Variants in TG observed in about 807,000 individuals in gnomAD.
TG encodes the protein thyroid hormones.
In TG, 270 loss-of-function variants were observed where a neutral mutation model predicts 324.7. The observed-to-expected ratio is 0.83, with a 90% CI of 0.75 to 0.92. TG has a LOEUF of 0.92. Among genes scored for constraint, TG ranks in the 40% least tolerant of loss-of-function variants. The pLI, the probability that TG is intolerant of heterozygous loss-of-function variation, is 0.00. For missense variants in TG, 3,591 were observed against 3,456.4 expected (o/e 1.04, Z -0.98); for synonymous variants, 1,401 against 1,327.0 (o/e 1.06, Z -1.21).
chr8:132,988,453 A>G (rs1470874094), intron 35 of TG, among the ~76,000 whole-genome samples: 1 of 30,448 alleles, frequency 3.3e-5, no homozygotes, highest in Non-Finnish European at 7.8e-5. Flanking sequence ...CGTAAAGTGC[A>G]TTGGATACTG....
chr8:133,045,882 C>T (rs895403420), intron 41 of TG, among the ~76,000 whole-genome samples: 37 of 152,196 alleles, frequency 2.4e-4, no homozygotes, highest in Admixed American at 2.0e-4. Flanking sequence ...CCCACCAATG[C>T]TGCCACAGCA....
intron 5 of TG, among the ~76,000 whole-genome samples, chr8:132,879,964 G>A (rs902600849): frequency 6.6e-6 from 1 of 152,232 alleles, no homozygotes; most frequent in Admixed American, 6.5e-5. Context: ...TGATTTAAAC[G>A]ATTTAAACTT....
Position 132,869,841 on chromosome 8 carries a change from G to A in TG, c.274+15G>A, listed in dbSNP as rs781091431. 3 of 1,612,194 alleles carry A rather than the reference G, an allele frequency of 1.9e-6. No homozygotes were observed. The highest frequency in any genetic ancestry group is 1.7e-4 in the Middle Eastern group (1 of 5,874). On this transcript the variant is annotated intron_variant, in intron 3 of 47. Coordinates refer to ENST00000220616, the MANE Select transcript of TG (RefSeq NM_003235.5). ...GCCTGTGGCTTGTAAGTGGGAGTGG[G>A]GGACGTCCCTTGGAGGGACCCTGCT... is the stretch of plus-strand genomic sequence containing the variant.
intron 27 of TG, among the ~76,000 whole-genome samples, chr8:132,953,570 C>T (rs1043504992): frequency 6.6e-6 from 1 of 152,188 alleles, no homozygotes; most frequent in African/African-American, 2.4e-5. Flanking sequence ...TTAGGACTGA[C>T]TTCTAATACC....
chr8:132,989,050 C>T (rs899688952), intron 35 of TG: 4 of 255,068 alleles, frequency 1.6e-5, no homozygotes, highest in African/African-American at 2.3e-5. Context: ...TCACATCTTA[C>T]GTGGATGACA....
intron 17 of TG, 75 bp downstream of exon 17, chr8:132,906,975 G>A (rs565843862): frequency 2.2e-5 from 32 of 1,469,840 alleles, no homozygotes; most frequent in African/African-American, 4.2e-5. Flanking sequence ...ATATGGAGGC[G>A]TGGCTGCTCC....
chr8:132,867,760 C>T (rs545431705), intron 1 of TG, among the ~76,000 whole-genome samples: 5 of 151,216 alleles, frequency 3.3e-5, no homozygotes, highest in African/African-American at 1.2e-4. Context: ...CTCCAAATAG[C>T]CTCATGGGAA....
chr8:133,120,560 G>T (rs1030907496), intron 45 of TG, among the ~76,000 whole-genome samples: 6 of 152,158 alleles, frequency 3.9e-5, no homozygotes, highest in Admixed American at 3.9e-4. Context: ...GCCCCTGGTG[G>T]CCTAAGGCGA....
intron 25 of TG, among the ~76,000 whole-genome samples, chr8:132,940,403 A>G (rs1353954291): frequency 1.3e-5 from 2 of 152,178 alleles, no homozygotes; most frequent in Non-Finnish European, 2.9e-5. Context: ...GCAAAGTGAC[A>G]CTCTAAAATT....
intron 41 of TG, chr8:133,038,813 G>A: frequency 1.1e-6 from 1 of 913,290 alleles, no homozygotes. Context: ...TAAAGGGCAA[G>A]AGAATGAGAA....
At chr8:132,998,770 C>A (rs1309345529) in intron 35 of TG, among the ~76,000 whole-genome samples, 1 of 152,128 alleles carries the variant, frequency 6.6e-6, no homozygotes, top group African/African-American at 2.4e-5. Context: ...TGATGGAGTT[C>A]AATGCCTTGG....
At chr8:132,897,006 A>G (rs1257013285) in intron 11 of TG, among the ~76,000 whole-genome samples, 2 of 152,160 alleles carry the variant, frequency 1.3e-5, no homozygotes, top group African/African-American at 2.4e-5. Context: ...CACCTGGGGT[A>G]AAAGTTCTGG....
intron 10 of TG, among the ~76,000 whole-genome samples, chr8:132,893,191 AGT>A (rs1270736476): frequency 7.3e-5 from 3 of 40,828 alleles, no homozygotes; most frequent in South Asian, 8.5e-4. Flanking sequence ...TGTGTATGTG[AGT>A]GTGTGTGGTG....
intron 26 of TG, among the ~76,000 whole-genome samples, chr8:132,945,466 G>A (rs189846654): frequency 3.3e-5 from 5 of 152,300 alleles, no homozygotes; most frequent in African/African-American, 1.2e-4. Context: ...GTGGGTCCAT[G>A]TGGGGTATAC....
In TG at chr8:132,961,078, G is replaced by C; in HGVS notation, c.5467+5G>C. The C allele has an allele frequency of 6.2e-7, 1 of 1,614,032 alleles. No individual in the cohort carries two copies. The highest frequency in any genetic ancestry group is 1.3e-5 in the African/African-American group (1 of 75,024). On this transcript the variant is annotated splice_donor_5th_base_variant and intron_variant, in intron 28 of 47. Coordinates refer to ENST00000220616, the MANE Select transcript of TG (RefSeq NM_003235.5). ...AGCAGGTTTATCTCTGGAAAGGTGA[G>C]CTCCGTGGTGGAAGAGGGGGTTAGC...
intron 41 of TG, chr8:133,038,327 G>A (rs768250337): frequency 5.0e-6 from 3 of 602,512 alleles, no homozygotes; most frequent in Non-Finnish European, 8.8e-6. Flanking sequence ...CCACAGCCCT[G>A]ATCAGACACC....
chr8:133,037,837 C>T (rs923123239), intron 41 of TG: 1 of 152,214 alleles, frequency 6.6e-6, no homozygotes, highest in African/African-American at 2.4e-5. Context: ...GATTTCCCTG[C>T]CAGCAGTCTT....
rs139966752 is a variant in TG, at chr8:132,925,516, CGTGTGTGTGTGTGT to C, written c.4699+2031_4699+2044del. On this transcript the variant is annotated intron_variant, in intron 22 of 47. Transcript: ENST00000220616. ...AAGTGCTAACAAGTCCTAAGGAGTG[CGTGTGTGTGTGTGT>C]GTGTGTGTGTGTGTGTGTGTGTTCT... 8.3e-5 allele frequency among the ~76,000 whole-genome samples: 12 copies of C among 144,820 alleles called. No individual in the cohort carries two copies. In the East Asian group the frequency reaches 2.1e-3, roughly 25 times the overall value.
chr8:132,892,960 C>T (rs1422684275), intron 10 of TG, among the ~76,000 whole-genome samples: 1 of 121,434 alleles, frequency 8.2e-6, no homozygotes. Context: ...TGTGTGTGTA[C>T]TGTGTGGTGT....
Sources: gnomAD v4.1 joint callset for allele counts (sites outside exome capture counted in the v4.1 genomes callset) on GRCh38, gnomAD v4.1.1 for gene constraint, MANE v1.5 for transcripts, NCBI Gene and HGNC (gene_info 2026-07-23, HGNC 2026-07-21) for gene names.